RYR3: variants seen among roughly 807,000 people sequenced by gnomAD.
The protein encoded by RYR3 is brain ryanodine receptor-calcium release channel.
RYR3 carries 207 observed loss-of-function variants against 584.3 expected under a neutral mutation model. The observed-to-expected ratio is 0.35, with a 90% CI of 0.32 to 0.40. RYR3 has a LOEUF of 0.40. RYR3 is among the 10% of genes least tolerant of loss of function. RYR3 has a pLI of 1.00. For missense variants in RYR3, 5,616 were observed against 6,089.2 expected (o/e 0.92, Z 2.59); for synonymous variants, 2,416 against 2,248.5 (o/e 1.07, Z -2.11).
intron 42 of RYR3, 57 bp from the exon 43 acceptor site, chr15:33,706,861 GT>G (rs769496242): frequency 6.0e-4 from 910 of 1,504,372 alleles, no homozygotes; most frequent in Non-Finnish European, 7.3e-4. Context: ...TTTGAGGTGT[GT>G]TTTTTAATAG....
At chr15:33,546,936 A>G (rs1476642815) in intron 8 of RYR3, among the ~76,000 whole-genome samples, 1 of 152,194 alleles carries the variant, frequency 6.6e-6, no homozygotes, top group African/African-American at 2.4e-5. Context: ...CGGTGGAGGT[A>G]GGATTTTAAG....
chr15:33,807,527 G>C, intron 69 of RYR3, 28 bp from the exon 70 acceptor site: 2 of 1,551,402 alleles, frequency 1.3e-6, no homozygotes, highest in Middle Eastern at 1.7e-4. Context: ...TCTTCTCCTT[G>C]TTTCTTTTCT....
In RYR3 at chr15:33,865,758, GA is replaced by G. The variant is rs1459422423; in HGVS notation, c.*535del. The G allele has an allele frequency of 6.5e-6, 1 of 153,460 alleles. No individual in the cohort carries two copies. The highest frequency in any genetic ancestry group is 1.5e-5 in the Non-Finnish European group (1 of 68,630). The allele number at this position is 153,460 out of a possible 1,614,324, so 9.5% of individuals were successfully genotyped here. A position where few individuals can be genotyped will look rare whatever the true frequency, so the allele number is the denominator to read the frequency against. On this transcript the variant is annotated 3_prime_UTR_variant, in exon 104 of 104. Coordinates refer to ENST00000634891, the MANE Select transcript of RYR3 (RefSeq NM_001036.6). ...AAAAAACCGACACTTTGTCGACACT[GA>G]AATATCGATTAAGTGCCTTAAAACC...
At chr15:33,615,767 C>A (rs576309529) in intron 19 of RYR3, among the ~76,000 whole-genome samples, 1 of 152,166 alleles carries the variant, frequency 6.6e-6, no homozygotes, top group Non-Finnish European at 1.5e-5. Flanking sequence ...TCATTGACAG[C>A]CATCAGAAGC....
chr15:33,801,577 G>C (rs2075920720), intron 68 of RYR3, among the ~76,000 whole-genome samples: 1 of 151,916 alleles, frequency 6.6e-6, no homozygotes, highest in African/African-American at 2.4e-5. Flanking sequence ...TGCTATACTA[G>C]AGTCAGGTTG....
intron 3 of RYR3, among the ~76,000 whole-genome samples, chr15:33,526,353 CT>C (rs753650735): frequency 6.6e-6 from 1 of 152,232 alleles, no homozygotes; most frequent in Non-Finnish European, 1.5e-5. Flanking sequence ...CACCCCCATC[CT>C]GCGAGATGGA....
rs992755659 is a variant in RYR3, at chr15:33,611,430, C to T, written c.2165-1753C>T. ...AGTTAGGCGGGCGTGGTGGCGGGCA[C>T]CTGTAGTCCCAGCTACTTGGGAGGC... On this transcript the variant is annotated intron_variant, in intron 18 of 103. Coordinates refer to ENST00000634891, the MANE Select transcript of RYR3 (RefSeq NM_001036.6). 4.0e-5 allele frequency among the ~76,000 whole-genome samples: 6 copies of T among 151,812 alleles called. No individual in the cohort carries two copies. In the East Asian group the frequency reaches 9.9e-4, roughly 25 times the overall value.
chr15:33,556,349 A>G (rs1217325772), intron 10 of RYR3, among the ~76,000 whole-genome samples: 1 of 152,184 alleles, frequency 6.6e-6, no homozygotes, highest in African/African-American at 2.4e-5. Context: ...CATTGATGCC[A>G]GAATGGTTAT....
At position 33,663,051 on chromosome 15, in the gene RYR3, G is replaced by C. The variant is rs2063261667; in HGVS notation, c.5418+103G>C. ...TTAAAGGAGGTAAGGTATGTCAAGT[G>C]CTTGGCATAGTGACTGACCAAGAGT... On this transcript the variant is annotated intron_variant, in intron 35 of 103. Coordinates refer to ENST00000634891, the MANE Select transcript of RYR3 (RefSeq NM_001036.6). The C allele has an allele frequency of 3.9e-6, 4 of 1,026,574 alleles. No individual in the cohort carries two copies. The East Asian group carries it at 9.6e-5, about 25-fold the overall frequency. 63.6% of individuals were successfully genotyped at this position (1,026,574 alleles called of 1,614,324 possible).
chr15:33,787,716 TGA>T (rs1479637335), intron 66 of RYR3, among the ~76,000 whole-genome samples: 1 of 152,144 alleles, frequency 6.6e-6, no homozygotes, highest in Non-Finnish European at 1.5e-5. Context: ...TTTCAAGTGT[TGA>T]GGCTGAGGAT....
At chr15:33,693,616 GA>G (rs1363555153) in intron 38 of RYR3, among the ~76,000 whole-genome samples, 2 of 152,232 alleles carry the variant, frequency 1.3e-5, no homozygotes, top group African/African-American at 4.8e-5. Flanking sequence ...GTTGCCAGGG[GA>G]AAGATCTCTG....
At chr15:33,470,533 T>A (rs2596165) in intron 1 of RYR3, among the ~76,000 whole-genome samples, 88,161 of 151,912 alleles carry the variant, frequency 0.58, 26,236 homozygotes, top group African/African-American at 0.73. Flanking sequence ...TTCTAGGAAC[T>A]GGAAGTCTTT....
chr15:33,856,054 A>C (rs1033684281), intron 98 of RYR3: 2 of 152,156 alleles, frequency 1.3e-5, no homozygotes, highest in African/African-American at 4.8e-5. Context: ...ACTACCTGGT[A>C]AGGCACACGT....
chr15:33,749,653 C>A (rs1001673534), intron 55 of RYR3, among the ~76,000 whole-genome samples: 1 of 152,094 alleles, frequency 6.6e-6, no homozygotes, highest in Admixed American at 6.5e-5. Context: ...GTCAGGAGTA[C>A]AATACCAAGC....
chr15:33,693,103 AG>A (rs2065566722), intron 38 of RYR3, among the ~76,000 whole-genome samples: 1 of 152,238 alleles, frequency 6.6e-6, no homozygotes, highest in Non-Finnish European at 1.5e-5. Context: ...GCCAAGGTAT[AG>A]GTTTTAGAGG....
intron 69 of RYR3, 36 bp downstream of exon 69, chr15:33,801,997 A>C (rs746066556): frequency 7.9e-7 from 1 of 1,261,016 alleles, no homozygotes; most frequent in African/African-American, 1.5e-5. Flanking sequence ...AAACTCTTCA[A>C]CCCTAACCTC....
At chr15:33,847,487 A>T (rs1246182886) in intron 93 of RYR3, 1 of 152,206 alleles carries the variant, frequency 6.6e-6, no homozygotes, top group African/African-American at 2.4e-5. Context: ...GAGCTGCGTC[A>T]ATTGTGACTT....
chr15:33,760,335 A>G (rs1200857280), intron 60 of RYR3, among the ~76,000 whole-genome samples: 3 of 151,948 alleles, frequency 2.0e-5, no homozygotes, highest in African/African-American at 7.2e-5. Flanking sequence ...AGACACAGAC[A>G]GGCAAATTGG....
chr15:33,420,311 G>A (rs2044147243), intron 1 of RYR3, among the ~76,000 whole-genome samples: 1 of 152,182 alleles, frequency 6.6e-6, no homozygotes, highest in Non-Finnish European at 1.5e-5. Context: ...GAATCAGAAT[G>A]TCAGGGGTTT....
Sources: allele counts gnomAD v4.1 joint callset (sites outside exome capture counted in the v4.1 genomes callset), GRCh38; gene constraint gnomAD v4.1.1; transcripts MANE v1.5; gene names NCBI Gene and HGNC (gene_info 2026-07-23, HGNC 2026-07-21).